The following TMEM71 variants were observed in gnomAD, a reference collection of about 807,000 sequenced individuals.
TMEM71 encodes the protein transmembrane protein 71.
Under a neutral mutation model 38.0 loss-of-function variants are expected in TMEM71, and 44 were observed. The ratio of observed to expected loss-of-function variants is 1.16; its 90% CI spans 0.91 to 1.49. The LOEUF (loss-of-function observed/expected upper bound fraction) is 1.49. Among genes scored for constraint, TMEM71 ranks in the 40% most tolerant of loss-of-function variants. The pLI is 0.00. For missense variants in TMEM71, 367 were observed against 348.6 expected (o/e 1.05, Z -0.42); for synonymous variants, 133 against 122.5 (o/e 1.09, Z -0.56).
At position 132,710,915 on chromosome 8, in the gene TMEM71, T is replaced by C; in HGVS notation, c.*52A>G. On this transcript the variant is annotated 3_prime_UTR_variant, in exon 10 of 10. Coordinates refer to ENST00000677595, the MANE Select transcript of TMEM71 (RefSeq NM_001382403.1). The stretch of plus-strand genomic sequence containing the variant: ...TCCAAGTAGACTGCAAGTTGGACAA[T>C]TTCCAGATATTCAGATGGAGGACAT... 6.3e-7 allele frequency: 1 copy of C among 1,574,958 alleles called. No individual in the cohort carries two copies. Among genetic ancestry groups the C allele is most frequent in the Non-Finnish European group, 8.7e-7 (1 of 1,145,602 alleles).
chr8:132,714,845 G>C (rs533192602), intron 7 of TMEM71, among the ~76,000 whole-genome samples: 8 of 152,142 alleles, frequency 5.3e-5, no homozygotes, highest in East Asian at 1.9e-4. Flanking sequence ...AATATATAAA[G>C]AACTCTCAAA....
intron 5 of TMEM71, among the ~76,000 whole-genome samples, chr8:132,738,890 G>A (rs1827888212): frequency 6.6e-6 from 1 of 151,556 alleles, no homozygotes; most frequent in South Asian, 2.1e-4. Context: ...AGGAATATAT[G>A]TAAAAATTGG....
chr8:132,709,435 T>C (rs916409770), downstream of TMEM71, among the ~76,000 whole-genome samples: 1 of 152,236 alleles, frequency 6.6e-6, no homozygotes, highest in Non-Finnish European at 1.5e-5. Context: ...AGCCAGGTTC[T>C]AATCATAGGA....
chr8:132,771,407 A>G, the TMEM71 span, among the ~76,000 whole-genome samples: 4 of 151,928 alleles, frequency 2.6e-5, no homozygotes, highest in Non-Finnish European at 5.9e-5. Context: ...AGACATACAT[A>G]TTTTTTCTAT....
chr8:132,760,749 C>G (rs746385572), upstream of TMEM71: 7 of 152,210 alleles, frequency 4.6e-5, no homozygotes, highest in Non-Finnish European at 8.8e-5. Context: ...GTTTCCTGGG[C>G]CAGCAGCAGG....
At chr8:132,740,530 G>A (rs1827978604) in intron 5 of TMEM71, among the ~76,000 whole-genome samples, 1 of 152,176 alleles carries the variant, frequency 6.6e-6, no homozygotes, top group Non-Finnish European at 1.5e-5. Flanking sequence ...CCATTGTGTA[G>A]GATAATGCCT....
upstream of TMEM71, among the ~76,000 whole-genome samples, chr8:132,761,421 C>A (rs1829293185): frequency 6.6e-6 from 1 of 152,184 alleles, no homozygotes; most frequent in South Asian, 2.1e-4. Context: ...GAGTCCTCAG[C>A]ACAGATGTGC....
At position 132,727,787 on chromosome 8, in the gene TMEM71, C is replaced by G. The variant is rs372638954; in HGVS notation, c.676+11G>C. On this transcript the variant is annotated intron_variant, in intron 6 of 9. Coordinates refer to ENST00000677595, the MANE Select transcript of TMEM71 (RefSeq NM_001382403.1). ...TTGGGTGTGGCAAATATTTAAAACA[C>G]CTGAACTCACCTGAATGATCCGAAC... The G allele has an allele frequency of 1.3e-6, 2 of 1,586,086 alleles. No individual in the cohort carries two copies. The highest frequency in any genetic ancestry group is 8.6e-7 in the Non-Finnish European group (1 of 1,167,362).
rs1826188926 is a variant in TMEM71 at position 132,710,681 on chromosome 8, A to G, written c.*286T>C. On this transcript the variant is annotated 3_prime_UTR_variant, in exon 10 of 10. Coordinates refer to ENST00000677595, the MANE Select transcript of TMEM71 (RefSeq NM_001382403.1). ...CTGCCTTAAAGAATCATAGGGGGAC[A>G]TTTATTCCAGGCGGTCTCTTTTCCA... 3 of 545,728 alleles carry G rather than the reference A, an allele frequency of 5.5e-6. No individual in the cohort carries two copies. Among genetic ancestry groups the G allele is most frequent in the Non-Finnish European group, 9.5e-6 (3 of 314,454 alleles). 33.8% of individuals were successfully genotyped at this position (545,728 alleles called of 1,614,324 possible). A position where few individuals can be genotyped will look rare whatever the true frequency, so the allele number is the denominator to read the frequency against.
intron 6 of TMEM71, among the ~76,000 whole-genome samples, chr8:132,724,916 C>T (rs1827053898): frequency 6.6e-6 from 1 of 152,188 alleles, no homozygotes; most frequent in Non-Finnish European, 1.5e-5. Context: ...TTACTGGCCT[C>T]TTGTCATTAG....
intron 5 of TMEM71, among the ~76,000 whole-genome samples, chr8:132,738,858 GCACACACA>G (rs10531257): frequency 6.6e-6 from 1 of 150,516 alleles, no homozygotes. Flanking sequence ...AGTATTACAT[GCACACACA>G]CACACACACA....
At chr8:132,728,722 C>G (rs1827291271) in intron 5 of TMEM71, among the ~76,000 whole-genome samples, 1 of 152,180 alleles carries the variant, frequency 6.6e-6, no homozygotes. Flanking sequence ...GCAGTCAACT[C>G]TTTCTACTTC....
intron 7 of TMEM71, among the ~76,000 whole-genome samples, chr8:132,715,842 ATCATATACAAGC>A (rs1826497045): frequency 6.6e-6 from 1 of 152,218 alleles, no homozygotes; most frequent in Non-Finnish European, 1.5e-5. Flanking sequence ...TTCTGTATTA[ATCATATACAAGC>A]AAAATATTCC....
intron 4 of TMEM71, among the ~76,000 whole-genome samples, chr8:132,750,090 T>C (rs1403651572): frequency 6.6e-6 from 1 of 152,104 alleles, no homozygotes; most frequent in Admixed American, 6.5e-5. Context: ...ATTACATATT[T>C]AGATCTATAG....
In TMEM71 at chr8:132,731,670, T is replaced by C. The variant is rs547644453; in HGVS notation, c.488-3684A>G. ...TCTGGGAAAGACCAACCTGACCTGGTGGGGAATAGCCACAGTTCCTGAGAA... is the reference window on the plus strand; with the variant it reads ...TCTGGGAAAGACCAACCTGACCTGGCGGGGAATAGCCACAGTTCCTGAGAA... On this transcript the variant is annotated intron_variant, in intron 5 of 9. Transcript: ENST00000677595. Among the ~76,000 whole-genome samples the C allele has an allele frequency of 2.6e-5, 4 of 152,078 alleles. No homozygotes were observed. In the East Asian group the frequency reaches 7.7e-4, roughly 29 times the overall value.
chr8:132,753,688 A>C (rs928984200), intron 3 of TMEM71, among the ~76,000 whole-genome samples: 2 of 152,190 alleles, frequency 1.3e-5, no homozygotes. Flanking sequence ...CCATAATTCC[A>C]ACTCTGTCAT....
At chr8:132,756,896 A>AT (rs946946672) in intron 3 of TMEM71, among the ~76,000 whole-genome samples, 99 of 148,408 alleles carry the variant, frequency 6.7e-4, no homozygotes, top group Non-Finnish European at 1.1e-3. Flanking sequence ...GCGAAGAATG[A>AT]TTTTTTTTTT....
At chr8:132,758,652 A>G (rs1829165141) in intron 2 of TMEM71, 188 bp downstream of exon 2, 1 of 550,674 alleles carries the variant, frequency 1.8e-6, no homozygotes. Context: ...AAGGAAAAAT[A>G]CCACATTTCT....
chr8:132,750,359 C>G (rs915214461), intron 4 of TMEM71, among the ~76,000 whole-genome samples: 3 of 152,180 alleles, frequency 2.0e-5, no homozygotes, highest in African/African-American at 7.2e-5. Flanking sequence ...ACAACTTGCC[C>G]ATGTAAGTTG....
Sources: allele counts gnomAD v4.1 joint callset (sites outside exome capture counted in the v4.1 genomes callset), GRCh38; gene constraint gnomAD v4.1.1; transcripts MANE v1.5; gene names NCBI Gene and HGNC (gene_info 2026-07-23, HGNC 2026-07-21).